The following PPP2R1B variants were observed in gnomAD, a reference collection of about 807,000 sequenced individuals.
PPP2R1B encodes the protein protein phosphatase 2 scaffold subunit Abeta.
A neutral mutation model predicts 72.7 loss-of-function variants in PPP2R1B; 58 were observed. The observed-to-expected ratio is 0.80, with a 90% CI of 0.65 to 0.99. The LOEUF (loss-of-function observed/expected upper bound fraction) is 0.99. Among genes scored for constraint, PPP2R1B ranks in the 50% least tolerant of loss-of-function variants. The pLI, the probability that PPP2R1B is intolerant of heterozygous loss-of-function variation, is 0.00. For missense variants in PPP2R1B, 695 were observed against 733.6 expected (o/e 0.95, Z 0.61); for synonymous variants, 256 against 264.6 (o/e 0.97, Z 0.32).
At position 111,738,065 on chromosome 11, in the gene PPP2R1B, G is replaced by C; in HGVS notation, c.*3531C>G. 1.0e-6 allele frequency: 1 copy of C among 994,640 alleles called. No homozygotes were observed. The allele number at this position is 994,640 out of a possible 1,614,324, so 61.6% of individuals were successfully genotyped here. A position where few individuals can be genotyped will look rare whatever the true frequency, so the allele number is the denominator to read the frequency against. ...GGACAGTGAGACTATTCTAGGTACAGAGGACTGGAGGGAGACATGCGAGGG... is the reference window on the plus strand; with the variant it reads ...GGACAGTGAGACTATTCTAGGTACACAGGACTGGAGGGAGACATGCGAGGG... On this transcript the variant is annotated 3_prime_UTR_variant, in exon 15 of 15. Transcript: ENST00000527614.
At chr11:111,688,173 C>T in the PPP2R1B span, 6 of 1,613,836 alleles carry the variant, frequency 3.7e-6, no homozygotes, top group Non-Finnish European at 5.1e-6. The surrounding 1 kb of genome is among the most constrained non-coding windows in gnomAD (Gnocchi z 4.2). Flanking sequence ...GTAACTGGGA[C>T]ACAACTGGCT....
chr11:111,746,325 G>C (rs1253586608), intron 11 of PPP2R1B, among the ~76,000 whole-genome samples: 1 of 152,122 alleles, frequency 6.6e-6, no homozygotes, highest in African/African-American at 2.4e-5. Context: ...TCCTTTGCAG[G>C]GACATGGATG....
chr11:111,713,405 G>A, the PPP2R1B span, among the ~76,000 whole-genome samples: 10 of 152,166 alleles, frequency 6.6e-5, no homozygotes, highest in Non-Finnish European at 1.2e-4. Flanking sequence ...CTTGGGCCAC[G>A]TAACAAAACT....
chr11:111,705,044 C>T, the PPP2R1B span: 2 of 1,610,782 alleles, frequency 1.2e-6, no homozygotes, highest in Admixed American at 1.7e-5. This position sits in a 1 kb window ranked among gnomAD's most constrained non-coding sequence, Gnocchi z 4.3. Flanking sequence ...GTTGGTGGAG[C>T]GCCTGAAATC....
chr11:111,722,626 G>A, downstream of PPP2R1B: 1 of 1,577,070 alleles, frequency 6.3e-7, no homozygotes, highest in Non-Finnish European at 8.7e-7. This position sits in a 1 kb window ranked among gnomAD's most constrained non-coding sequence, Gnocchi z 4.4. Flanking sequence ...CTAGGTGACA[G>A]CACATTGTCA....
chr11:111,745,284 T>G lies in PPP2R1B; in HGVS notation c.1400-1754A>C, dbSNP rs377166226. Among the ~76,000 whole-genome samples, 26 of 152,224 alleles carry G rather than the reference T, an allele frequency of 1.7e-4. 1 individual carries two copies. In the South Asian group the frequency reaches 5.4e-3, roughly 32 times the overall value. ...CCAGGCTGGTCTCGAACTCCTAACTTCAAGTCATCCACCCGCCTCAGCCTC... is the reference window on the plus strand; with the variant it reads ...CCAGGCTGGTCTCGAACTCCTAACTGCAAGTCATCCACCCGCCTCAGCCTC... On this transcript the variant is annotated intron_variant, in intron 11 of 14. Transcript: ENST00000527614.
downstream of PPP2R1B, chr11:111,723,434 A>C: frequency 6.7e-7 from 1 of 1,500,812 alleles, no homozygotes; most frequent in Non-Finnish European, 9.0e-7. Context: ...TATTGCATTT[A>C]CATTAAAATT....
the PPP2R1B span, among the ~76,000 whole-genome samples, chr11:111,691,201 CT>C: frequency 6.6e-6 from 1 of 152,014 alleles, no homozygotes; most frequent in Non-Finnish European, 1.5e-5. Context: ...TTTGTTTTGT[CT>C]TTTTGGTTTT....
At position 111,765,291 on chromosome 11, in the gene PPP2R1B, T is replaced by C. The variant is rs1945482073; in HGVS notation, c.205+3A>G. 1.9e-6 allele frequency: 3 copies of C among 1,604,110 alleles called. No homozygotes were observed. Among genetic ancestry groups the C allele is most frequent in the South Asian group, 2.2e-5 (2 of 90,464 alleles). ...ACCTTTCTTTAAACAAAGATTCACA[T>C]ACCTGTAAGAAATGGCAACAATTCA... On this transcript the variant is annotated splice_donor_region_variant and intron_variant, in intron 2 of 14. Transcript: ENST00000527614.
chr11:111,722,523 A>G (rs1943832743), downstream of PPP2R1B: 2 of 762,758 alleles, frequency 2.6e-6, no homozygotes, highest in African/African-American at 1.8e-5. This position sits in a 1 kb window ranked among gnomAD's most constrained non-coding sequence, Gnocchi z 4.4. Flanking sequence ...TCAGGGTCTC[A>G]GGGAGTAAAT....
chr11:111,741,538 C>T lies in PPP2R1B; in HGVS notation c.*58G>A. On this transcript the variant is annotated 3_prime_UTR_variant, in exon 15 of 15. Coordinates refer to ENST00000527614, the MANE Select transcript of PPP2R1B (RefSeq NM_002716.5). ...TTCTTTCTCCACCCAGTTAAGAACA[C>T]ATTGACTAGAAATTTGTGACAAGAA... The T allele has an allele frequency of 9.4e-6, 15 of 1,603,522 alleles. No individual in the cohort carries two copies. The highest frequency in any genetic ancestry group is 1.3e-5 in the Non-Finnish European group (15 of 1,176,974).
At chr11:111,733,710 G>A (rs775060576), downstream of PPP2R1B, among the ~76,000 whole-genome samples, 2 of 152,204 alleles carry the variant, frequency 1.3e-5, no homozygotes, top group African/African-American at 4.8e-5. Context: ...GCACAGCCTT[G>A]CCTGTCTCTT....
At chr11:111,704,470 C>T in the PPP2R1B span, among the ~76,000 whole-genome samples, 1 of 152,170 alleles carries the variant, frequency 6.6e-6, no homozygotes, top group Admixed American at 6.5e-5. Flanking sequence ...TACCTAAGAA[C>T]GGAGACATAG....
the PPP2R1B span, chr11:111,688,188 T>C: frequency 6.2e-7 from 1 of 1,613,470 alleles, no homozygotes; most frequent in East Asian, 2.2e-5. This position sits in a 1 kb window ranked among gnomAD's most constrained non-coding sequence, Gnocchi z 4.2. Flanking sequence ...CTGGCTCTAA[T>C]AAGATCCGAA....
At chr11:111,760,017 CACAG>C (rs1261706650) in intron 4 of PPP2R1B, 66 bp from the exon 5 acceptor site, 13 of 1,491,702 alleles carry the variant, frequency 8.7e-6, no homozygotes, top group African/African-American at 2.8e-5. Context: ...CCCCCATACA[CACAG>C]ACAGACTTTT....
At chr11:111,726,798 G>T, downstream of PPP2R1B, 2 of 625,636 alleles carry the variant, frequency 3.2e-6, no homozygotes, top group Non-Finnish European at 5.7e-6. Context: ...TCTGATTCAC[G>T]TTAGCAGTGT....
Position 111,742,509 on chromosome 11 carries a change from C to T in PPP2R1B, c.1697+14G>A. 1 of 1,609,448 alleles carries T rather than the reference C, an allele frequency of 6.2e-7. No homozygotes were observed. On this transcript the variant is annotated intron_variant, in intron 13 of 14. Coordinates refer to ENST00000527614, the MANE Select transcript of PPP2R1B (RefSeq NM_002716.5). The stretch of plus-strand genomic sequence containing the variant: ...AGTACACTTTTAAAACAAGACTAAA[C>T]ACTAAAATCTTACTTGGTATCTAGA...
At chr11:111,719,293 GTCTT>G in the PPP2R1B span, among the ~76,000 whole-genome samples, 3 of 144,326 alleles carry the variant, frequency 2.1e-5, no homozygotes, top group Admixed American at 2.1e-4. Flanking sequence ...GAACATAAAA[GTCTT>G]TCTAAAACCT....
At chr11:111,743,139 C>T (rs1944584693) in intron 12 of PPP2R1B, among the ~76,000 whole-genome samples, 1 of 152,146 alleles carries the variant, frequency 6.6e-6, no homozygotes. Flanking sequence ...GGTGATCTGC[C>T]CGCCTCAGCC....
Sources: gnomAD v4.1 joint callset for allele counts (sites outside exome capture counted in the v4.1 genomes callset) on GRCh38, gnomAD v4.1.1 for gene constraint, Gnocchi (gnomAD v3.1) non-coding constraint, MANE v1.5 for transcripts, NCBI Gene and HGNC (gene_info 2026-07-23, HGNC 2026-07-21) for gene names.